Variants in C2orf76 observed in about 807,000 individuals in gnomAD.
The protein encoded by C2orf76 is chromosome 2 open reading frame 76.
C2orf76 carries 23 observed loss-of-function variants against 16.9 expected under a neutral mutation model. The ratio of observed to expected loss-of-function variants is 1.36; its 90% CI spans 0.98 to 1.93. The LOEUF is 1.93. C2orf76 is among the 30% of genes most tolerant of loss of function. The probability of loss-of-function intolerance (pLI) is 0.00; values close to 1 mark genes in which losing one functional copy is unlikely to be tolerated. For synonymous variants in C2orf76, 48 were observed against 52.3 expected (o/e 0.92, Z 0.35); for missense variants, 152 against 152.6 (o/e 1.00, Z 0.02).
In C2orf76 at chr2:119,311,433, C is replaced by A. The variant is rs962163674; in HGVS notation, c.304+189G>T. 6 of 985,300 alleles carry A rather than the reference C, an allele frequency of 6.1e-6. No homozygotes were observed. In the African/African-American group the frequency reaches 1.0e-4, roughly 17 times the overall value. 61.0% of individuals were successfully genotyped at this position (985,300 alleles called of 1,614,324 possible). On this transcript the variant is annotated intron_variant, in intron 5 of 5. Transcript: ENST00000334816. The stretch of plus-strand genomic sequence containing the variant: ...TTCTGCATATTTGGAGAGCAGACAC[C>A]TACTGTCCTCAGCCAAGAGATCGGA...
At chr2:119,309,481 A>G (rs1232486884) in intron 5 of C2orf76, among the ~76,000 whole-genome samples, 1 of 121,118 alleles carries the variant, frequency 8.3e-6, no homozygotes, top group African/African-American at 3.3e-5. Context: ...GTGCAGTGGT[A>G]TGATCTCAGC....
At chr2:119,336,654 C>A (rs887102594) in intron 2 of C2orf76, among the ~76,000 whole-genome samples, 1 of 151,588 alleles carries the variant, frequency 6.6e-6, no homozygotes, top group African/African-American at 2.4e-5. Context: ...ATTTAGAAAG[C>A]CTTGGGGAGG....
intron 1 of C2orf76, among the ~76,000 whole-genome samples, chr2:119,360,879 CA>C (rs1680723411): frequency 6.6e-6 from 1 of 152,036 alleles, no homozygotes; most frequent in Non-Finnish European, 1.5e-5. Flanking sequence ...AAAAACAATA[CA>C]AAAAGGCTAT....
chr2:119,329,230 G>T (rs144191814), intron 2 of C2orf76, among the ~76,000 whole-genome samples: 26 of 152,182 alleles, frequency 1.7e-4, no homozygotes, highest in African/African-American at 6.3e-4. Flanking sequence ...TAGGTGCATC[G>T]TTATGTCCTC....
intron 2 of C2orf76, among the ~76,000 whole-genome samples, chr2:119,332,235 T>C (rs1250102638): frequency 6.6e-6 from 1 of 151,934 alleles, no homozygotes; most frequent in African/African-American, 2.4e-5. Flanking sequence ...TATTATTGGA[T>C]GCTGGATCTA....
At chr2:119,302,911 A>G (rs1678660158) in intron 5 of C2orf76, among the ~76,000 whole-genome samples, 1 of 151,940 alleles carries the variant, frequency 6.6e-6, no homozygotes, top group South Asian at 2.1e-4. Flanking sequence ...TTTCTCAAAT[A>G]TGCTACTCAG....
At chr2:119,340,064 A>T in intron 1 of C2orf76, 93 bp from the exon 2 acceptor site, 1 of 1,372,844 alleles carries the variant, frequency 7.3e-7, no homozygotes, top group South Asian at 1.3e-5. Flanking sequence ...CTCTGGCACC[A>T]GCCCCGCTCT....
the C2orf76 span, among the ~76,000 whole-genome samples, chr2:119,286,509 G>T: frequency 1.3e-5 from 2 of 152,188 alleles, no homozygotes; most frequent in East Asian, 3.9e-4. Flanking sequence ...GGGGAGAGCT[G>T]GGGGAGACAG....
the C2orf76 span, among the ~76,000 whole-genome samples, chr2:119,287,317 T>A: frequency 6.6e-6 from 1 of 152,204 alleles, no homozygotes; most frequent in African/African-American, 2.4e-5. Flanking sequence ...TTGTCACATA[T>A]GCAATATCCA....
At chr2:119,366,666 C>A (rs1314266168) in intron 1 of C2orf76, 124 bp downstream of exon 1, 3 of 436,574 alleles carry the variant, frequency 6.9e-6, no homozygotes, top group East Asian at 1.0e-4. Context: ...TAAGGACCTC[C>A]GTTCTTCGGT....
In C2orf76 at chr2:119,321,145, A is replaced by T; in HGVS notation, c.184+9T>A. 1 of 1,366,018 alleles carries T rather than the reference A, an allele frequency of 7.3e-7. No homozygotes were observed. 84.6% of individuals were successfully genotyped at this position (1,366,018 alleles called of 1,614,324 possible). On this transcript the variant is annotated intron_variant, in intron 3 of 5. Coordinates refer to ENST00000334816, the MANE Select transcript of C2orf76 (RefSeq NM_001322331.2). The stretch of plus-strand genomic sequence containing the variant: ...TATATATATTTTAAAAGAATAAAAA[A>T]ATGGTTACCATATTTATAATTTCTG...
intron 1 of C2orf76, among the ~76,000 whole-genome samples, chr2:119,344,043 T>C (rs1307728920): frequency 1.3e-5 from 2 of 152,246 alleles, no homozygotes; most frequent in Non-Finnish European, 2.9e-5. Context: ...TACAGGTTTG[T>C]TATTTTCACT....
intron 5 of C2orf76, 104 bp downstream of exon 5, chr2:119,311,518 A>C: frequency 1.3e-6 from 2 of 1,484,512 alleles, no homozygotes; most frequent in South Asian, 2.8e-5. Context: ...AGGGGGACCA[A>C]GGACAGCATT....
At chr2:119,355,986 G>A (rs1415871267) in intron 1 of C2orf76, among the ~76,000 whole-genome samples, 11 of 152,178 alleles carry the variant, frequency 7.2e-5, no homozygotes, top group African/African-American at 1.7e-4. Context: ...TAAACAATGT[G>A]TTCTCTGACC....
chr2:119,366,960 C>T (rs2104672258), upstream of C2orf76: 11 of 1,558,346 alleles, frequency 7.1e-6, no homozygotes, highest in Non-Finnish European at 9.7e-6. Flanking sequence ...TGGACCGCGC[C>T]TCTAAAGGCG....
intron 3 of C2orf76, 79 bp from the exon 4 acceptor site, chr2:119,317,582 G>A: frequency 2.5e-6 from 3 of 1,180,922 alleles, no homozygotes; most frequent in South Asian, 2.8e-5. Flanking sequence ...GGTGGAGGGT[G>A]GCTACGAAAT....
At chr2:119,296,775 T>C in the C2orf76 span, among the ~76,000 whole-genome samples, 1 of 152,192 alleles carries the variant, frequency 6.6e-6, no homozygotes, top group Admixed American at 6.5e-5. Flanking sequence ...GGCCCAAGTG[T>C]TCCTTTGGCA....
rs967635660 is a variant in C2orf76, at chr2:119,302,560, C to A, written c.305-12G>T. The A allele has an allele frequency of 3.1e-5, 45 of 1,468,726 alleles. 1 individual carries two copies. In the South Asian group the frequency reaches 4.0e-4, roughly 13 times the overall value. 91.0% of individuals were successfully genotyped at this position (1,468,726 alleles called of 1,614,324 possible). A position where few individuals can be genotyped will look rare whatever the true frequency, so the allele number is the denominator to read the frequency against. ...TTCAGTTTCACTGGCTGAAAAAAAACAGAAAATGGAAAAAAAGATTTTAAT... is the reference window on the plus strand; with the variant it reads ...TTCAGTTTCACTGGCTGAAAAAAAAAAGAAAATGGAAAAAAAGATTTTAAT... On this transcript the variant is annotated splice_polypyrimidine_tract_variant and intron_variant, in intron 5 of 5. Coordinates refer to ENST00000334816, the MANE Select transcript of C2orf76 (RefSeq NM_001322331.2).
chr2:119,322,827 G>A (rs562880526), intron 2 of C2orf76, among the ~76,000 whole-genome samples: 1 of 151,530 alleles, frequency 6.6e-6, no homozygotes, highest in South Asian at 2.1e-4. Context: ...AATTTATGGT[G>A]GGATTTGCTT....
Sources: allele counts gnomAD v4.1 joint callset (sites outside exome capture counted in the v4.1 genomes callset), GRCh38; gene constraint gnomAD v4.1.1; transcripts MANE v1.5; gene names NCBI Gene and HGNC (gene_info 2026-07-23, HGNC 2026-07-21).